PPP1R12A: variants seen among roughly 807,000 people sequenced by gnomAD.
The protein encoded by PPP1R12A is myosin binding subunit.
A neutral mutation model predicts 139.6 loss-of-function variants in PPP1R12A; 19 were observed. The observed-to-expected ratio is 0.14, with a 90% CI of 0.09 to 0.20. The LOEUF is 0.20. Among genes scored for constraint, PPP1R12A ranks in the 10% least tolerant of loss-of-function variants. The pLI, the probability that PPP1R12A is intolerant of heterozygous loss-of-function variation, is 1.00. For synonymous variants in PPP1R12A, 427 were observed against 420.6 expected (o/e 1.02, Z -0.19); for missense variants, 925 against 1,211.5 (o/e 0.76, Z 3.51).
intron 2 of PPP1R12A, among the ~76,000 whole-genome samples, chr12:79,853,103 G>C (rs928380203): frequency 7.9e-5 from 12 of 152,296 alleles, no homozygotes; most frequent in Admixed American, 2.0e-4. Flanking sequence ...AGCTTGGTGA[G>C]GATGGAAATC....
intron 23 of PPP1R12A, chr12:79,779,486 T>A (rs1370855770): frequency 1.1e-5 from 7 of 661,794 alleles, no homozygotes; most frequent in Non-Finnish European, 1.6e-5. Context: ...GTTTTTAGGG[T>A]ATGTGATTTT....
chr12:79,872,963 T>A (rs770549145), intron 1 of PPP1R12A, 25 bp from the exon 2 acceptor site: 14 of 1,600,996 alleles, frequency 8.7e-6, no homozygotes, highest in Non-Finnish European at 8.5e-7. Context: ...GAAAGCAAGA[T>A]TGGAAAAAAT....
At chr12:79,933,839 GCTTT>G (rs1420982664) in intron 1 of PPP1R12A, among the ~76,000 whole-genome samples, 2 of 152,194 alleles carry the variant, frequency 1.3e-5, no homozygotes, top group African/African-American at 4.8e-5. Context: ...TTTGTGACCA[GCTTT>G]CTTTTTTCCC....
intron 22 of PPP1R12A, among the ~76,000 whole-genome samples, chr12:79,782,888 G>A (rs1330447286): frequency 2.6e-5 from 4 of 152,152 alleles, no homozygotes; most frequent in African/African-American, 9.6e-5. Flanking sequence ...TGTTAAATGT[G>A]GTAATTTTAA....
At chr12:79,828,504 A>G (rs1877053457) in intron 4 of PPP1R12A, 40 bp from the exon 5 acceptor site, 4 of 1,427,218 alleles carry the variant, frequency 2.8e-6, no homozygotes, top group African/African-American at 2.9e-5. Flanking sequence ...ATTAAAATCT[A>G]GAAATAAATG....
rs563584282 is a variant in PPP1R12A at position 79,834,642 on chromosome 12, G to A, written c.488-2151C>T. Among the ~76,000 whole-genome samples, 6 of 152,240 alleles carry A rather than the reference G, an allele frequency of 3.9e-5. No homozygotes were observed. The East Asian group carries it at 9.6e-4, about 24-fold the overall frequency. ...TTGAAAAAATTAAAGCTTCAATTTC[G>A]GAAATGTGAAGTTTAAGATGCCTAA... On this transcript the variant is annotated intron_variant, in intron 3 of 24. Transcript: ENST00000450142.
chr12:79,783,017 G>A (rs1870652389), intron 22 of PPP1R12A, among the ~76,000 whole-genome samples: 1 of 151,978 alleles, frequency 6.6e-6, no homozygotes, highest in Non-Finnish European at 1.5e-5. Context: ...TTACGGTTAT[G>A]GTGTGTAACA....
At chr12:79,909,459 G>T (rs939220036) in intron 1 of PPP1R12A, among the ~76,000 whole-genome samples, 3 of 152,076 alleles carry the variant, frequency 2.0e-5, no homozygotes, top group Non-Finnish European at 2.9e-5. Context: ...CACCCCGGCT[G>T]GGCATGGTGG....
rs949155049 is a variant in PPP1R12A at position 79,845,876 on chromosome 12, G to A, written c.369-456C>T. 3.9e-3 allele frequency among the ~76,000 whole-genome samples: 40 copies of A among 10,244 alleles called. No individual in the cohort carries two copies. In the East Asian group the frequency reaches 0.048, roughly 12 times the overall value. The allele number at this position is 10,244 out of a possible 152,430, so 6.7% of individuals were successfully genotyped here. ...CCTAATTTTTCTATAATGTACACAC[G>A]TTGCTTTACCAATACAAAAATGTTA... On this transcript the variant is annotated intron_variant, in intron 2 of 24. Coordinates refer to ENST00000450142, the MANE Select transcript of PPP1R12A (RefSeq NM_002480.3).
intron 1 of PPP1R12A, among the ~76,000 whole-genome samples, chr12:79,921,945 T>C (rs559535030): frequency 6.6e-6 from 1 of 152,254 alleles, no homozygotes; most frequent in African/African-American, 2.4e-5. Context: ...CACAGAGTAA[T>C]AAAGCAATAA....
intron 1 of PPP1R12A, among the ~76,000 whole-genome samples, chr12:79,919,003 C>T (rs551099056): frequency 4.3e-4 from 66 of 152,024 alleles, no homozygotes; most frequent in Non-Finnish European, 8.2e-4. Flanking sequence ...GTAATCCCAG[C>T]TACTCAGGAG....
Position 79,797,408 on chromosome 12 carries a change from A to AT in PPP1R12A, c.2092-14_2092-13insA. On this transcript the variant is annotated splice_polypyrimidine_tract_variant and intron_variant, in intron 15 of 24. Coordinates refer to ENST00000450142, the MANE Select transcript of PPP1R12A (RefSeq NM_002480.3). ...TTAATGTCACTCCCTGCACACACAA[A>AT]AAGATCAATATAATTATGAGATGCA... 6.4e-7 allele frequency: 1 copy of AT among 1,565,762 alleles called. No homozygotes were observed. The highest frequency in any genetic ancestry group is 8.6e-7 in the Non-Finnish European group (1 of 1,159,502).
At chr12:79,890,852 T>C (rs1330050809) in intron 1 of PPP1R12A, among the ~76,000 whole-genome samples, 3 of 150,874 alleles carry the variant, frequency 2.0e-5, no homozygotes, top group Non-Finnish European at 4.4e-5. Context: ...CCAGTATACA[T>C]AGGTAACTTC....
chr12:79,775,796 A>G lies in PPP1R12A; in HGVS notation c.*133T>C. ...AAACAAAATGAAACAAAAATTCTAG[A>G]TAAGAGGGCATTTGGCAGGATATCC... On this transcript the variant is annotated 3_prime_UTR_variant, in exon 25 of 25. Coordinates refer to ENST00000450142, the MANE Select transcript of PPP1R12A (RefSeq NM_002480.3). 3 of 495,804 alleles carry G rather than the reference A, an allele frequency of 6.1e-6. No individual in the cohort carries two copies. The highest frequency in any genetic ancestry group is 3.4e-6 in the Non-Finnish European group (1 of 295,484). 30.7% of individuals were successfully genotyped at this position (495,804 alleles called of 1,614,324 possible). A position where few individuals can be genotyped will look rare whatever the true frequency, so the allele number is the denominator to read the frequency against.
chr12:79,891,989 T>C (rs1884689425), intron 1 of PPP1R12A, among the ~76,000 whole-genome samples: 1 of 152,152 alleles, frequency 6.6e-6, no homozygotes, highest in Non-Finnish European at 1.5e-5. Flanking sequence ...GTCATATCCA[T>C]TCCTGACCCA....
At chr12:79,792,409 A>T (rs1426174694) in intron 19 of PPP1R12A, among the ~76,000 whole-genome samples, 1 of 152,164 alleles carries the variant, frequency 6.6e-6, no homozygotes. Flanking sequence ...GCAGAATATA[A>T]CTGGAGTACA....
chr12:79,883,283 A>G (rs1883814332), intron 1 of PPP1R12A, among the ~76,000 whole-genome samples: 1 of 152,168 alleles, frequency 6.6e-6, no homozygotes, highest in South Asian at 2.1e-4. Context: ...ATGATTTTTT[A>G]AAGATATAAT....
Position 79,832,434 on chromosome 12 carries a change from C to T in PPP1R12A, c.545G>A (p.Arg182Lys), listed in dbSNP as rs1461320154. 6.2e-7 allele frequency: 1 copy of T among 1,613,534 alleles called. No homozygotes were observed. The highest frequency in any genetic ancestry group is 8.5e-7 in the Non-Finnish European group (1 of 1,179,668). ...EEERIMLRDA[R>K]QWLNSGHIND... is the part of the protein sequence containing the mutation. ...TATATGACCACTATTTAGCCACTGC[C>T]TGGCATCTCTAAGCATGATCCGTTC... is the stretch of plus-strand genomic sequence containing the variant. Residue 182 changes from arginine (R) to lysine (K), a missense_variant, in exon 4 of 25, where the codon AGG (arginine) becomes AAG (lysine). By Grantham distance (26) the Arg-to-Lys change is conservative. Coordinates refer to ENST00000450142, the MANE Select transcript of PPP1R12A (RefSeq NM_002480.3).
At chr12:79,841,017 C>T (rs947304115) in intron 3 of PPP1R12A, among the ~76,000 whole-genome samples, 1 of 147,268 alleles carries the variant, frequency 6.8e-6, no homozygotes, top group Non-Finnish European at 1.5e-5. Flanking sequence ...TTCCAGTCCA[C>T]ATATGCTATG....
Sources: gnomAD v4.1 joint callset for allele counts (sites outside exome capture counted in the v4.1 genomes callset) on GRCh38, gnomAD v4.1.1 for gene constraint, MANE v1.5 for transcripts, NCBI Gene and HGNC (gene_info 2026-07-23, HGNC 2026-07-21) for gene names.